The following TGFB2 variants were observed in gnomAD, a reference collection of about 807,000 sequenced individuals.
The protein encoded by TGFB2 is transforming growth factor beta-2 proprotein.
TGFB2 carries 13 observed loss-of-function variants against 42.7 expected under a neutral mutation model. The ratio of observed to expected loss-of-function variants is 0.30; its 90% CI spans 0.20 to 0.48. The LOEUF (loss-of-function observed/expected upper bound fraction) is 0.48. Among genes scored for constraint, TGFB2 ranks in the 20% least tolerant of loss-of-function variants. The pLI is 0.99. For missense variants in TGFB2, 390 were observed against 517.5 expected (o/e 0.75, Z 2.39); for synonymous variants, 193 against 193.6 (o/e 1.00, Z 0.03).
At chr1:218,376,705 T>G (rs930842162) in intron 1 of TGFB2, among the ~76,000 whole-genome samples, 1 of 152,200 alleles carries the variant, frequency 6.6e-6, no homozygotes, top group Non-Finnish European at 1.5e-5. Flanking sequence ...TAACATTGCT[T>G]TTGCTGTTAT....
At chr1:218,359,020 G>A (rs1657130202) in intron 1 of TGFB2, among the ~76,000 whole-genome samples, 2 of 152,156 alleles carry the variant, frequency 1.3e-5, no homozygotes, top group African/African-American at 4.8e-5. Context: ...TTTCTGTGGG[G>A]AAAATGTTTC....
intron 2 of TGFB2, among the ~76,000 whole-genome samples, chr1:218,410,212 G>A (rs753307616): frequency 1.2e-4 from 18 of 152,154 alleles, no homozygotes; most frequent in African/African-American, 2.2e-4. Context: ...TAAAAATGCC[G>A]CCAGGTATTC....
At chr1:218,408,858 T>C (rs1659002436) in intron 2 of TGFB2, among the ~76,000 whole-genome samples, 2 of 152,162 alleles carry the variant, frequency 1.3e-5, no homozygotes, top group Admixed American at 1.3e-4. Context: ...ACTTTTATTG[T>C]GCACTTTATT....
chr1:218,361,078 C>G (rs1180171447), intron 1 of TGFB2, among the ~76,000 whole-genome samples: 1 of 152,242 alleles, frequency 6.6e-6, no homozygotes, highest in African/African-American at 2.4e-5. Flanking sequence ...TGGTCTCAAA[C>G]TCCTGACCTC....
chr1:218,402,169 A>C (rs933980706), intron 1 of TGFB2, among the ~76,000 whole-genome samples: 15 of 152,320 alleles, frequency 9.8e-5, no homozygotes, highest in African/African-American at 3.1e-4. Flanking sequence ...CATGGTTACA[A>C]CACCAAAGCA....
intron 1 of TGFB2, among the ~76,000 whole-genome samples, chr1:218,350,994 T>G (rs1656852072): frequency 6.6e-6 from 1 of 152,244 alleles, no homozygotes; most frequent in Non-Finnish European, 1.5e-5. Flanking sequence ...CACAATGAGA[T>G]TCCCTTTGTA....
At chr1:218,379,195 C>A (rs971456225) in intron 1 of TGFB2, among the ~76,000 whole-genome samples, 5 of 147,148 alleles carry the variant, frequency 3.4e-5, no homozygotes, top group East Asian at 2.0e-4. Flanking sequence ...TGCAGTGGTG[C>A]GATCTCGGCT....
At chr1:218,422,785 A>T (rs894903761) in intron 2 of TGFB2, among the ~76,000 whole-genome samples, 1 of 152,088 alleles carries the variant, frequency 6.6e-6, no homozygotes, top group African/African-American at 2.4e-5. Flanking sequence ...CCATCTTATT[A>T]TCCTGGGGTA....
intron 1 of TGFB2, among the ~76,000 whole-genome samples, chr1:218,359,444 G>A (rs1352947722): frequency 2.6e-5 from 4 of 152,258 alleles, no homozygotes; most frequent in Admixed American, 6.5e-5. Flanking sequence ...TTTCTTCTAC[G>A]TAGAATGAGG....
intron 2 of TGFB2, among the ~76,000 whole-genome samples, chr1:218,413,733 C>A (rs919649133): frequency 1.3e-5 from 2 of 152,210 alleles, no homozygotes; most frequent in Non-Finnish European, 2.9e-5. Flanking sequence ...ATCTGCCCCC[C>A]ATTTGCTCTG....
intron 2 of TGFB2, among the ~76,000 whole-genome samples, chr1:218,414,574 A>G (rs951727164): frequency 2.6e-5 from 4 of 152,126 alleles, no homozygotes; most frequent in African/African-American, 9.7e-5. Flanking sequence ...TTTTTTTCAA[A>G]CTGATCAAAT....
chr1:218,416,339 A>G (rs1182797170), intron 2 of TGFB2, among the ~76,000 whole-genome samples: 2 of 151,586 alleles, frequency 1.3e-5, no homozygotes, highest in East Asian at 1.9e-4. Flanking sequence ...CTATCCTGTA[A>G]CCTCCTTTAG....
chr1:218,349,274 A>G (rs1656792363), intron 1 of TGFB2, among the ~76,000 whole-genome samples: 1 of 152,238 alleles, frequency 6.6e-6, no homozygotes. Flanking sequence ...GGATAATTTT[A>G]TAGAAAATAG....
At chr1:218,393,193 A>G (rs1471046616) in intron 1 of TGFB2, among the ~76,000 whole-genome samples, 1 of 152,198 alleles carries the variant, frequency 6.6e-6, no homozygotes, top group East Asian at 1.9e-4. Flanking sequence ...GTTTCTGGAA[A>G]GGGGAATGTT....
chr1:218,354,270 A>T (rs926624666), intron 1 of TGFB2, among the ~76,000 whole-genome samples: 16 of 152,196 alleles, frequency 1.1e-4, no homozygotes, highest in African/African-American at 3.9e-4. Context: ...GGGCCAGGAG[A>T]TGCGGAGAGA....
intron 1 of TGFB2, among the ~76,000 whole-genome samples, chr1:218,373,179 A>G (rs1185846366): frequency 6.6e-6 from 1 of 151,850 alleles, no homozygotes; most frequent in Non-Finnish European, 1.5e-5. Context: ...GCTCCGTCTC[A>G]AAAAAAAGTT....
At chr1:218,439,021 T>A (rs1660063945) in intron 6 of TGFB2, among the ~76,000 whole-genome samples, 1 of 148,854 alleles carries the variant, frequency 6.7e-6, no homozygotes, top group Non-Finnish European at 1.5e-5. Context: ...AGGCAGAGAA[T>A]CGCTTGAACC....
chr1:218,428,722 T>C (rs1394262306), intron 2 of TGFB2, among the ~76,000 whole-genome samples: 2 of 152,326 alleles, frequency 1.3e-5, no homozygotes, highest in South Asian at 2.1e-4. Context: ...AGCACCATGC[T>C]TTTTTGGTTA....
rs1022544185 is a variant in TGFB2, at chr1:218,379,448, A to AT, written c.347-25715dup. On this transcript the variant is annotated intron_variant, in intron 1 of 6. Coordinates refer to ENST00000366930, the MANE Select transcript of TGFB2 (RefSeq NM_003238.6). ...CGTGCCCGGCCAGTACCTTTTCTTT[A>AT]TTTTTTAATTTTATTTCTTTTTCTT... Among the ~76,000 whole-genome samples, 41 of 130,054 alleles carry AT rather than the reference A, an allele frequency of 3.2e-4. 1 individual carries two copies. In the East Asian group the frequency reaches 9.6e-3, roughly 31 times the overall value. The allele number at this position is 130,054 out of a possible 152,430, so 85.3% of individuals were successfully genotyped here.
Sources: gnomAD v4.1 joint callset for allele counts (sites outside exome capture counted in the v4.1 genomes callset) on GRCh38, gnomAD v4.1.1 for gene constraint, MANE v1.5 for transcripts, NCBI Gene and HGNC (gene_info 2026-07-23, HGNC 2026-07-21) for gene names.